The following NUDCD1 variants were observed in gnomAD, a reference collection of about 807,000 sequenced individuals.
The protein encoded by NUDCD1 is NudC domain containing 1.
A neutral mutation model predicts 67.8 loss-of-function variants in NUDCD1; 60 were observed. The observed-to-expected ratio is 0.88, with a 90% CI of 0.72 to 1.10. The LOEUF is 1.10. NUDCD1 is among the 50% of genes least tolerant of loss of function. NUDCD1 has a pLI of 0.00. For missense variants in NUDCD1, 643 were observed against 695.0 expected (o/e 0.93, Z 0.84); for synonymous variants, 244 against 230.8 (o/e 1.06, Z -0.52).
intron 2 of NUDCD1, among the ~76,000 whole-genome samples, chr8:109,314,257 G>A (rs1328930270): frequency 1.3e-5 from 2 of 152,084 alleles, no homozygotes; most frequent in Non-Finnish European, 2.9e-5. Flanking sequence ...ATCATTCTAA[G>A]GCAACATTAC....
At chr8:109,329,130 C>CA (rs199565206) in intron 1 of NUDCD1, among the ~76,000 whole-genome samples, 239 of 122,822 alleles carry the variant, frequency 1.9e-3, no homozygotes, top group African/African-American at 4.9e-3. Flanking sequence ...ACTAATATTA[C>CA]AAAAAAAAAA....
intron 2 of NUDCD1, among the ~76,000 whole-genome samples, chr8:109,317,359 A>G (rs983198846): frequency 1.3e-5 from 2 of 152,122 alleles, no homozygotes; most frequent in Non-Finnish European, 2.9e-5. Context: ...CTATTAACAC[A>G]TAATATCCGT....
chr8:109,243,643 C>T (rs1813427393), intron 9 of NUDCD1, among the ~76,000 whole-genome samples: 1 of 152,042 alleles, frequency 6.6e-6, no homozygotes, highest in Non-Finnish European at 1.5e-5. Context: ...TCTTTAAGTG[C>T]CAATTTAATA....
At chr8:109,306,900 C>T (rs1356191846) in intron 2 of NUDCD1, among the ~76,000 whole-genome samples, 1 of 152,090 alleles carries the variant, frequency 6.6e-6, no homozygotes, top group African/African-American at 2.4e-5. Flanking sequence ...CCCATGCTGC[C>T]CCTAATCCCT....
chr8:109,316,711 C>G (rs1421480035), intron 2 of NUDCD1, among the ~76,000 whole-genome samples: 1 of 151,974 alleles, frequency 6.6e-6, no homozygotes, highest in Non-Finnish European at 1.5e-5. Flanking sequence ...CTTCTGTATC[C>G]CAGGTACAAA....
Position 109,245,411 on chromosome 8 carries a change from A to C in NUDCD1, c.1370T>G (p.Leu457Trp). ...VDPKEMPCFC[L>W]RHDVDALLWQ... ...GAGTAGGGCATCAACATCATGGCGC[A>C]AACAGAAGCAGGGCATTTCTTTAGG... is the stretch of plus-strand genomic sequence containing the variant. Residue 457 changes from leucine to tryptophan, a missense_variant, in exon 9 of 10, where the codon TTG becomes TGG. Transcript: ENST00000239690. 1.2e-6 allele frequency: 2 copies of C among 1,613,906 alleles called. No individual in the cohort carries two copies. The highest frequency in any genetic ancestry group is 2.7e-5 in the African/African-American group (2 of 75,022).
intron 4 of NUDCD1, 28 bp downstream of exon 4, chr8:109,293,316 T>C (rs375177478): frequency 1.8e-5 from 24 of 1,310,606 alleles, no homozygotes; most frequent in Non-Finnish European, 2.3e-5. Context: ...TGCCAACCAG[T>C]AGAGACAGAT....
At chr8:109,273,369 T>A (rs1228046669) in intron 7 of NUDCD1, among the ~76,000 whole-genome samples, 1 of 151,802 alleles carries the variant, frequency 6.6e-6, no homozygotes, top group Non-Finnish European at 1.5e-5. Context: ...ATCAAATCAA[T>A]CCCTATGGAA....
intron 7 of NUDCD1, among the ~76,000 whole-genome samples, chr8:109,272,159 A>G (rs1046049340): frequency 4.4e-4 from 67 of 152,108 alleles, no homozygotes; most frequent in African/African-American, 1.6e-3. Flanking sequence ...TGTTTTTCAC[A>G]TTTTTAATCT....
At chr8:109,326,413 T>C (rs1365202522) in intron 1 of NUDCD1, among the ~76,000 whole-genome samples, 3 of 152,082 alleles carry the variant, frequency 2.0e-5, no homozygotes, top group Non-Finnish European at 2.9e-5. Flanking sequence ...CAACTGAAAG[T>C]AGAAAAGCAG....
In NUDCD1 at chr8:109,281,092, T is replaced by C; in HGVS notation, c.904A>G (p.Ile302Val). ...TGATCAGGCAAAAACTGTATTTGAA[T>C]GTCCTCCTTAGTACTGTCTTCTGGA... is the stretch of plus-strand genomic sequence containing the variant. ...RLPEDSTKEDIQIQFLPDHIN... is the reference protein window; with the variant it reads ...RLPEDSTKEDVQIQFLPDHIN... Residue 302 changes from isoleucine (I) to valine (V), a missense_variant, in exon 6 of 10, where the codon ATT becomes GTT. Ile to Val is a conservative substitution (Grantham distance 29, BLOSUM62 3). Coordinates refer to ENST00000239690, the MANE Select transcript of NUDCD1 (RefSeq NM_032869.4). 6.2e-7 allele frequency: 1 copy of C among 1,613,422 alleles called. No homozygotes were observed. The highest frequency in any genetic ancestry group is 8.5e-7 in the Non-Finnish European group (1 of 1,179,436).
chr8:109,289,208 CT>C (rs1185577929), intron 5 of NUDCD1, among the ~76,000 whole-genome samples: 1 of 152,060 alleles, frequency 6.6e-6, no homozygotes, highest in Admixed American at 6.6e-5. Flanking sequence ...ATCTCCTGAC[CT>C]TTTGATCCGC....
chr8:109,333,553 A>G (rs917080624), intron 1 of NUDCD1, among the ~76,000 whole-genome samples: 2 of 152,148 alleles, frequency 1.3e-5, no homozygotes, highest in African/African-American at 4.8e-5. Context: ...GGAGGAAGGA[A>G]TGTTCTCAGC....
At chr8:109,330,015 T>G in intron 1 of NUDCD1, 1 of 823,756 alleles carries the variant, frequency 1.2e-6, no homozygotes, top group Non-Finnish European at 1.7e-6. Context: ...GGAAGTAACA[T>G]GTAAGCCAAC....
intron 8 of NUDCD1, among the ~76,000 whole-genome samples, chr8:109,245,887 C>T (rs759548665): frequency 6.6e-6 from 1 of 152,182 alleles, no homozygotes; most frequent in Admixed American, 6.5e-5. Context: ...GGAACTGGGC[C>T]GCACAGCAAG....
At chr8:109,283,373 G>C (rs996525812) in intron 5 of NUDCD1, among the ~76,000 whole-genome samples, 3 of 152,150 alleles carry the variant, frequency 2.0e-5, no homozygotes, top group Non-Finnish European at 2.9e-5. Context: ...ACATGTTTGA[G>C]GGAATAATTC....
intron 2 of NUDCD1, among the ~76,000 whole-genome samples, chr8:109,303,565 T>C (rs1167982656): frequency 4.6e-5 from 7 of 152,112 alleles, no homozygotes; most frequent in African/African-American, 1.4e-4. Context: ...GCTCCCTTAT[T>C]AGGTTGAGAC....
chr8:109,273,580 GA>G (rs1369557432), intron 7 of NUDCD1, among the ~76,000 whole-genome samples: 1 of 151,880 alleles, frequency 6.6e-6, no homozygotes, highest in Non-Finnish European at 1.5e-5. Context: ...ATAAGAAATG[GA>G]AAACTGAAAA....
intron 8 of NUDCD1, among the ~76,000 whole-genome samples, chr8:109,261,721 C>T (rs558148528): frequency 1.3e-5 from 2 of 152,172 alleles, no homozygotes; most frequent in Admixed American, 6.5e-5. Context: ...TACATTAATG[C>T]TATTTAAACA....
Sources: gnomAD v4.1 joint callset for allele counts (sites outside exome capture counted in the v4.1 genomes callset) on GRCh38, gnomAD v4.1.1 for gene constraint, MANE v1.5 for transcripts, NCBI Gene and HGNC (gene_info 2026-07-23, HGNC 2026-07-21) for gene names.